Variants in CNTNAP3 observed in about 807,000 individuals in gnomAD.
CNTNAP3 encodes the protein contactin associated protein family member 3.
CNTNAP3 carries 36 observed loss-of-function variants against 92.1 expected under a neutral mutation model. That is an observed-to-expected ratio of 0.39 (90% CI 0.30 to 0.52). The LOEUF is 0.52. Among genes scored for constraint, CNTNAP3 ranks in the 20% least tolerant of loss-of-function variants. The pLI is 0.76. For missense variants in CNTNAP3, 534 were observed against 1,069.6 expected, an observed-to-expected ratio of 0.50 and a Z score of 6.98; for synonymous variants, 232 against 422.3, an observed-to-expected ratio of 0.55 and a Z score of 5.53.
At position 39,133,110 on chromosome 9, in the gene CNTNAP3, C is replaced by A. The variant is rs771071590; in HGVS notation, c.1902G>T (p.Gln634His). 10 of 1,574,100 alleles carry A rather than the reference C, an allele frequency of 6.4e-6. No individual in the cohort carries two copies. The Admixed American group carries it at 1.8e-4, about 29-fold the overall frequency. Residue 634 changes from glutamine (Q) to histidine (H), a missense_variant, in exon 13 of 24, where the codon CAG becomes CAT. By Grantham distance (24) the Gln-to-His change is conservative (BLOSUM62 0). Transcript: ENST00000297668. ...GGGTCACCGCGTCGGGGCCACCGTGCTGCACCACCGTCCACGCGGCGTCTG... is the reference window on the plus strand; with the variant it reads ...GGGTCACCGCGTCGGGGCCACCGTGATGCACCACCGTCCACGCGGCGTCTG... The part of the protein sequence containing the change: ...MTADAAWTVV[Q>H]HGGPDAVTLR...
At chr9:39,147,196 T>G (rs531838084) in intron 10 of CNTNAP3, among the ~76,000 whole-genome samples, 51 of 152,276 alleles carry the variant, frequency 3.3e-4, no homozygotes, top group African/African-American at 1.2e-3. Context: ...TAAGCCTTTT[T>G]TCTTTATAAA....
chr9:39,076,888 C>A (rs1490277618), intron 23 of CNTNAP3, among the ~76,000 whole-genome samples: 5 of 152,296 alleles, frequency 3.3e-5, no homozygotes, highest in African/African-American at 9.6e-5. Flanking sequence ...GAATGGGAGG[C>A]GGAGCTTGCA....
chr9:39,092,913 G>A (rs1826239802), intron 18 of CNTNAP3, among the ~76,000 whole-genome samples: 1 of 143,238 alleles, frequency 7.0e-6, no homozygotes, highest in Non-Finnish European at 1.5e-5. Context: ...ATATAAGTTT[G>A]TAATTGTTAT....
chr9:39,145,887 T>G (rs866207808), intron 10 of CNTNAP3, among the ~76,000 whole-genome samples: 10 of 142,220 alleles, frequency 7.0e-5, no homozygotes, highest in Middle Eastern at 3.6e-3. Context: ...AGAGCAGCTG[T>G]TCCTCTTCCC....
Position 39,080,660 on chromosome 9 carries a change from CTTT to C in CNTNAP3, c.3443-1743_3443-1741del, listed in dbSNP as rs774669701. On this transcript the variant is annotated intron_variant, in intron 21 of 23. Transcript: ENST00000297668. Reference sequence around the variant, plus strand: ...AGAATCACATAATTTTAGGGCAGACCTTTTTTTTTTTTTTTTTTTTGAGATGGA... The same window carrying C: ...AGAATCACATAATTTTAGGGCAGACCTTTTTTTTTTTTTTTTTGAGATGGA... Among the ~76,000 whole-genome samples, 598 of 89,678 alleles carry C rather than the reference CTTT, an allele frequency of 6.7e-3. 3 individuals are homozygous for C. The highest frequency in any genetic ancestry group is 0.033 in the East Asian group (77 of 2,340). The allele number at this position is 89,678 out of a possible 152,430, so 58.8% of individuals were successfully genotyped here.
In CNTNAP3 at chr9:39,099,982, C is replaced by T; in HGVS notation, c.2924G>A (p.Cys975Tyr). ...YGHLCRNGGR[C>Y]REKRRGVTCD... Reference sequence around the variant, plus strand: ...GGTGACCCCCCTGCGTTTCTCTCTGCATCTCCCTCCATTGCGACACAAGTG... The same window carrying T: ...GGTGACCCCCCTGCGTTTCTCTCTGTATCTCCCTCCATTGCGACACAAGTG... The change falls in exon 18 of 24, where the codon TGC becomes TAC. Residue 975 changes from cysteine to tyrosine, a missense_variant. Physicochemically the swap from Cys to Tyr is radical, Grantham distance 194. Transcript: ENST00000297668. The T allele has an allele frequency of 6.3e-7, 1 of 1,599,356 alleles. No individual in the cohort carries two copies. The highest frequency in any genetic ancestry group is 2.3e-5 in the East Asian group (1 of 44,408).
Position 39,143,769 on chromosome 9 carries a change from C to T in CNTNAP3, c.1756+471G>A, listed in dbSNP as rs530758567. Among the ~76,000 whole-genome samples the T allele has an allele frequency of 1.2e-3, 176 of 152,236 alleles. 1 individual carries two copies. The highest frequency in any genetic ancestry group is 4.1e-3 in the African/African-American group (171 of 41,552). ...TCCCATTACCTCTTCAAAAATCTTA[C>T]CATGTACAATCCCATGATTGCATCA... is the stretch of plus-strand genomic sequence containing the variant. On this transcript the variant is annotated intron_variant, in intron 11 of 23. Transcript: ENST00000297668.
In CNTNAP3 at chr9:39,064,999, T is replaced by C. The variant is rs2118315486; in HGVS notation, c.*8891A>G. On this transcript the variant is annotated 3_prime_UTR_variant, in exon 24 of 24. Transcript: ENST00000297668. Reference sequence around the variant, plus strand: ...CATATATATACATGTACATATTTATTGAAGTATAATTTATATACAAAATAT... The same window carrying C: ...CATATATATACATGTACATATTTATCGAAGTATAATTTATATACAAAATAT... Among the ~76,000 whole-genome samples, 1 of 152,426 alleles carries C rather than the reference T, an allele frequency of 6.6e-6. No homozygotes were observed. The highest frequency in any genetic ancestry group is 6.5e-5 in the Admixed American group (1 of 15,314).
chr9:39,113,681 TAC>T (rs1178868040), intron 14 of CNTNAP3, among the ~76,000 whole-genome samples: 13 of 152,228 alleles, frequency 8.5e-5, no homozygotes, highest in Middle Eastern at 3.4e-3. Context: ...CATTATTGAT[TAC>T]AGTTAAGAAT....
intron 14 of CNTNAP3, among the ~76,000 whole-genome samples, chr9:39,114,908 T>C (rs1298631545): frequency 1.3e-5 from 2 of 151,312 alleles, no homozygotes; most frequent in Non-Finnish European, 2.9e-5. Context: ...ATGTATATTT[T>C]AGAGAATATA....
At chr9:39,075,031 G>C (rs1377492207) in intron 23 of CNTNAP3, among the ~76,000 whole-genome samples, 1 of 152,168 alleles carries the variant, frequency 6.6e-6, no homozygotes, top group Non-Finnish European at 1.5e-5. Context: ...GCCTCCCAAA[G>C]TGCTGGGATT....
intron 11 of CNTNAP3, among the ~76,000 whole-genome samples, chr9:39,141,719 A>T (rs1370946623): frequency 6.6e-6 from 1 of 152,148 alleles, no homozygotes; most frequent in Non-Finnish European, 1.5e-5. Flanking sequence ...GATTCACTCA[A>T]ATTAATAACA....
At chr9:39,096,592 A>T (rs1206406602) in intron 18 of CNTNAP3, among the ~76,000 whole-genome samples, 4 of 150,526 alleles carry the variant, frequency 2.7e-5, no homozygotes, top group African/African-American at 9.7e-5. Flanking sequence ...ATTTTGAAAT[A>T]TACAATAAAT....
chr9:39,130,360 T>C (rs996713217), intron 13 of CNTNAP3, among the ~76,000 whole-genome samples: 3 of 152,070 alleles, frequency 2.0e-5, no homozygotes, highest in Non-Finnish European at 4.4e-5. Context: ...TAGAGAGGAT[T>C]ACACAGAGTG....
At chr9:39,107,063 G>T (rs1348301205) in intron 15 of CNTNAP3, among the ~76,000 whole-genome samples, 1 of 152,030 alleles carries the variant, frequency 6.6e-6, no homozygotes, top group Non-Finnish European at 1.5e-5. Context: ...GTGTCTGATT[G>T]TGAAGAGATG....
rs1205268123 is a variant in CNTNAP3 at position 39,080,309 on chromosome 9, C to A, written c.3443-1389G>T. ...CACCTTTCTCATCCCTCTCACCACC[C>A]CGCAGGTGATGTCTGACAACACTGG... On this transcript the variant is annotated intron_variant, in intron 21 of 23. Coordinates refer to ENST00000297668, the MANE Select transcript of CNTNAP3 (RefSeq NM_033655.5). 1.5e-5 allele frequency among the ~76,000 whole-genome samples: 2 copies of A among 137,760 alleles called. 1 individual carries two copies. The highest frequency in any genetic ancestry group is 4.8e-4 in the East Asian group (2 of 4,202). The allele number at this position is 137,760 out of a possible 152,430, so 90.4% of individuals were successfully genotyped here.
chr9:39,119,215 G>C (rs1205292426), intron 13 of CNTNAP3, among the ~76,000 whole-genome samples: 2 of 151,954 alleles, frequency 1.3e-5, no homozygotes, highest in African/African-American at 4.8e-5. Flanking sequence ...AATTTCAATA[G>C]GTTGTTACCA....
intron 14 of CNTNAP3, among the ~76,000 whole-genome samples, chr9:39,114,922 G>C (rs1421352776): frequency 4.6e-5 from 7 of 150,562 alleles, no homozygotes; most frequent in African/African-American, 1.7e-4. Flanking sequence ...GAATATATTG[G>C]TCTATTTGAA....
In CNTNAP3 at chr9:39,066,597, C is replaced by T. The variant is rs1825514509; in HGVS notation, c.*7293G>A. On this transcript the variant is annotated 3_prime_UTR_variant, in exon 24 of 24. Coordinates refer to ENST00000297668, the MANE Select transcript of CNTNAP3 (RefSeq NM_033655.5). ...TGTCTGAAAAATATCTTTGTTTCATCCTTTCTTGAAAGACGGTTTTGCTGG... is the reference window on the plus strand; with the variant it reads ...TGTCTGAAAAATATCTTTGTTTCATTCTTTCTTGAAAGACGGTTTTGCTGG... 6.6e-6 allele frequency among the ~76,000 whole-genome samples: 1 copy of T among 152,266 alleles called. No individual in the cohort carries two copies. Among genetic ancestry groups the T allele is most frequent in the Non-Finnish European group, 1.5e-5 (1 of 68,042 alleles).
Sources: allele counts gnomAD v4.1 joint callset (sites outside exome capture counted in the v4.1 genomes callset), GRCh38; gene constraint gnomAD v4.1.1; transcripts MANE v1.5; gene names NCBI Gene and HGNC (gene_info 2026-07-23, HGNC 2026-07-21).